TASP1: variants seen among roughly 807,000 people sequenced by gnomAD.
The protein encoded by TASP1 is taspase 1.
TASP1 carries 16 observed loss-of-function variants against 56.6 expected under a neutral mutation model. The observed-to-expected ratio is 0.28, with a 90% confidence interval of 0.19 to 0.43. The LOEUF is 0.43. Among genes scored for constraint, TASP1 ranks in the 20% least tolerant of loss-of-function variants. The pLI, the probability that TASP1 is intolerant of heterozygous loss-of-function variation, is 1.00. For synonymous variants in TASP1, 179 were observed against 184.2 expected (o/e 0.97, Z 0.23); for missense variants, 393 against 511.6 (o/e 0.77, Z 2.24).
chr20:13,555,493 C>T (rs2046126470), intron 8 of TASP1, among the ~76,000 whole-genome samples: 1 of 151,668 alleles, frequency 6.6e-6, no homozygotes, highest in Non-Finnish European at 1.5e-5. Context: ...TTTTATTTAT[C>T]CACAAGCAGC....
chr20:13,256,719 A>G, the TASP1 span, among the ~76,000 whole-genome samples: 1 of 152,186 alleles, frequency 6.6e-6, no homozygotes, highest in Non-Finnish European at 1.5e-5. Context: ...ACTCTCCCCG[A>G]CAGCTGTTTA....
intron 10 of TASP1, among the ~76,000 whole-genome samples, chr20:13,506,920 T>C (rs1465184835): frequency 3.3e-5 from 5 of 151,392 alleles, no homozygotes; most frequent in Admixed American, 6.6e-5. Flanking sequence ...TGGTACATTG[T>C]GTTTCCATTT....
intron 13 of TASP1, among the ~76,000 whole-genome samples, chr20:13,396,781 C>T (rs1413767848): frequency 6.6e-6 from 1 of 152,132 alleles, no homozygotes; most frequent in Admixed American, 6.5e-5. Flanking sequence ...TCATTCTCCA[C>T]GTTGAAAACA....
At chr20:13,588,320 G>A (rs2047396418) in intron 4 of TASP1, among the ~76,000 whole-genome samples, 3 of 109,728 alleles carry the variant, frequency 2.7e-5, no homozygotes, top group South Asian at 2.6e-4. Flanking sequence ...AGAAAGAAAA[G>A]GAAGGAAGGA....
rs780745098 is a variant in TASP1 at position 13,390,423 on chromosome 20, C to A, written c.1200G>T (p.Ala400=). Reference sequence around the variant, plus strand: ...CGATTGCCACAGACTGTCCTGCCACCGCACCAGGAGGAAGTCTTGAAATGT... The same window carrying A: ...CGATTGCCACAGACTGTCCTGCCACAGCACCAGGAGGAAGTCTTGAAATGT... ...KTHISRLPPG[A]VAGQSVAIEG... Residue 400 remains alanine (A), a synonymous_variant, in exon 14 of 14, where the codon GCG becomes GCT. Transcript: ENST00000337743. 6.2e-7 allele frequency: 1 copy of A among 1,613,890 alleles called. No individual in the cohort carries two copies. Among genetic ancestry groups the A allele is most frequent in the East Asian group, 2.2e-5 (1 of 44,860 alleles).
chr20:13,614,394 A>AAAAG (rs1313119873), intron 4 of TASP1, among the ~76,000 whole-genome samples: 1 of 152,084 alleles, frequency 6.6e-6, no homozygotes, highest in Non-Finnish European at 1.5e-5. Context: ...GATCTTCTTT[A>AAAAG]AGTGCCCAAG....
intron 6 of TASP1, among the ~76,000 whole-genome samples, chr20:13,575,411 C>T (rs1207743134): frequency 1.3e-5 from 2 of 152,070 alleles, no homozygotes; most frequent in African/African-American, 4.8e-5. Flanking sequence ...AGGTTTTTCC[C>T]GTGCTGTTCT....
chr20:13,361,178 A>T, the TASP1 span, among the ~76,000 whole-genome samples: 4 of 152,112 alleles, frequency 2.6e-5, no homozygotes, highest in East Asian at 1.9e-4. Context: ...AATTAGCTTT[A>T]CTCAACATGC....
At chr20:13,635,154 T>C (rs758152431) in intron 1 of TASP1, among the ~76,000 whole-genome samples, 11 of 152,194 alleles carry the variant, frequency 7.2e-5, no homozygotes, top group African/African-American at 2.7e-4. Context: ...GGGTACATTT[T>C]AAATGGGTAA....
At chr20:13,271,581 C>G in the TASP1 span, among the ~76,000 whole-genome samples, 1 of 152,208 alleles carries the variant, frequency 6.6e-6, no homozygotes, top group African/African-American at 2.4e-5. Context: ...CCCAAAGTCA[C>G]ATGGCAGTAA....
At chr20:13,187,641 TGAATGCTGAGGCAGGA>T in the TASP1 span, among the ~76,000 whole-genome samples, 2 of 146,568 alleles carry the variant, frequency 1.4e-5, no homozygotes, top group Non-Finnish European at 3.0e-5. Flanking sequence ...CCAGCTACTC[TGAATGCTGAGGCAGGA>T]GAATCACTTG....
At chr20:13,633,556 T>C (rs2049177676) in intron 1 of TASP1, among the ~76,000 whole-genome samples, 1 of 152,070 alleles carries the variant, frequency 6.6e-6, no homozygotes, top group African/African-American at 2.4e-5. Context: ...GGAATCCAAA[T>C]TGAGGGGGAA....
chr20:13,513,637 G>A (rs906532117), intron 10 of TASP1, among the ~76,000 whole-genome samples: 1 of 152,130 alleles, frequency 6.6e-6, no homozygotes, highest in East Asian at 1.9e-4. Context: ...AATGACGGTA[G>A]CTAGGACTTT....
chr20:13,198,682 A>G, the TASP1 span, among the ~76,000 whole-genome samples: 1 of 152,196 alleles, frequency 6.6e-6, no homozygotes, highest in African/African-American at 2.4e-5. Flanking sequence ...ATGATCTGAT[A>G]AAGGGTAACT....
chr20:13,150,870 T>C, the TASP1 span, among the ~76,000 whole-genome samples: 4 of 152,238 alleles, frequency 2.6e-5, no homozygotes, highest in Admixed American at 6.5e-5. Context: ...TGGTTAGTAC[T>C]TGCTTATCCT....
At chr20:13,406,410 C>T (rs2123686751) in intron 13 of TASP1, among the ~76,000 whole-genome samples, 1 of 152,258 alleles carries the variant, frequency 6.6e-6, no homozygotes, top group East Asian at 1.9e-4. Flanking sequence ...ATTTCATGTC[C>T]TCTGAGAATA....
chr20:13,249,907 C>T, the TASP1 span, among the ~76,000 whole-genome samples: 1 of 151,924 alleles, frequency 6.6e-6, no homozygotes, highest in Non-Finnish European at 1.5e-5. Flanking sequence ...TTCTCATTTG[C>T]AAAAATTGCT....
chr20:13,490,501 G>A (rs1320155126), intron 10 of TASP1, among the ~76,000 whole-genome samples: 1 of 152,106 alleles, frequency 6.6e-6, no homozygotes, highest in African/African-American at 2.4e-5. Flanking sequence ...TTCCAACAAT[G>A]CCATTATTTC....
intron 8 of TASP1, among the ~76,000 whole-genome samples, chr20:13,545,399 AG>A (rs1246923341): frequency 6.6e-6 from 1 of 152,202 alleles, no homozygotes; most frequent in Non-Finnish European, 1.5e-5. Flanking sequence ...AATAGCCACA[AG>A]GATGGGCCAT....
Sources: gnomAD v4.1 joint callset for allele counts (sites outside exome capture counted in the v4.1 genomes callset) on GRCh38, gnomAD v4.1.1 for gene constraint, MANE v1.5 for transcripts, NCBI Gene and HGNC (gene_info 2026-07-23, HGNC 2026-07-21) for gene names.